The following PCDH7 variants were observed in gnomAD, a reference collection of about 807,000 sequenced individuals.
PCDH7 encodes protocadherin-7.
A neutral mutation model predicts 58.9 loss-of-function variants in PCDH7; 17 were observed. The ratio of observed to expected loss-of-function variants is 0.29; its 90% CI spans 0.20 to 0.43. PCDH7 has a LOEUF of 0.43. PCDH7 is among the 20% of genes least tolerant of loss of function. The pLI, the probability that PCDH7 is intolerant of heterozygous loss-of-function variation, is 1.00. For missense variants in PCDH7, 1,274 were observed against 1,441.0 expected (o/e 0.88, Z 1.88); for synonymous variants, 664 against 616.4 (o/e 1.08, Z -1.14).
At chr4:30,771,652 A>G (rs999749734) in intron 1 of PCDH7, among the ~76,000 whole-genome samples, 2 of 152,208 alleles carry the variant, frequency 1.3e-5, no homozygotes, top group Non-Finnish European at 2.9e-5. Context: ...ATCATTCCAG[A>G]AAATATTTTG....
intron 1 of PCDH7, among the ~76,000 whole-genome samples, chr4:30,810,033 T>C (rs566041695): frequency 9.8e-5 from 15 of 152,354 alleles, no homozygotes; most frequent in African/African-American, 3.4e-4. Flanking sequence ...TTCTTTTTTA[T>C]ACTTCACTTT....
intron 1 of PCDH7, among the ~76,000 whole-genome samples, chr4:30,802,423 A>G (rs921424383): frequency 6.6e-6 from 1 of 152,130 alleles, no homozygotes; most frequent in Non-Finnish European, 1.5e-5. Context: ...TCTCTTTTAC[A>G]AAATAGGAAA....
intron 1 of PCDH7, among the ~76,000 whole-genome samples, chr4:30,771,871 T>C (rs1054782073): frequency 1.2e-4 from 19 of 152,114 alleles, no homozygotes; most frequent in Non-Finnish European, 1.3e-4. Flanking sequence ...GCCTTTTCTT[T>C]CTTTCTTTTT....
intron 1 of PCDH7, among the ~76,000 whole-genome samples, chr4:30,861,564 C>T (rs1007574135): frequency 3.5e-4 from 54 of 152,204 alleles, no homozygotes; most frequent in African/African-American, 1.3e-3. Flanking sequence ...TAATTTTTAA[C>T]TATTCTGAAG....
At chr4:31,129,121 G>T (rs1010906584) in intron 3 of PCDH7, among the ~76,000 whole-genome samples, 1 of 152,154 alleles carries the variant, frequency 6.6e-6, no homozygotes, top group African/African-American at 2.4e-5. Flanking sequence ...GCATGGGACT[G>T]GAATGGTCCT....
downstream of PCDH7, chr4:30,733,085 T>C (rs1715749367): frequency 6.6e-6 from 1 of 152,314 alleles, no homozygotes; most frequent in Non-Finnish European, 1.5e-5. Context: ...GCTATCAAAC[T>C]CAGGTCTCTA....
At chr4:31,060,122 A>G (rs1170769529) in intron 3 of PCDH7, among the ~76,000 whole-genome samples, 1 of 151,788 alleles carries the variant, frequency 6.6e-6, no homozygotes, top group East Asian at 1.9e-4. Context: ...GCTAAATCCC[A>G]TAAAGTATAA....
intron 1 of PCDH7, among the ~76,000 whole-genome samples, chr4:30,876,925 G>A (rs1736357266): frequency 6.6e-6 from 1 of 151,892 alleles, no homozygotes; most frequent in African/African-American, 2.4e-5. Context: ...TCCCAGACAG[G>A]CCCCGGTGTG....
intron 3 of PCDH7, among the ~76,000 whole-genome samples, chr4:31,105,010 T>G (rs1715369582): frequency 6.6e-6 from 1 of 152,204 alleles, no homozygotes; most frequent in Non-Finnish European, 1.5e-5. Flanking sequence ...TTTCAAAGAC[T>G]TCATTTGAAC....
chr4:31,144,285 GA>G (rs1031992428), downstream of PCDH7: 41 of 152,310 alleles, frequency 2.7e-4, no homozygotes, highest in African/African-American at 8.9e-4. Context: ...GAACATGAAA[GA>G]AAGGAGTTTT....
chr4:30,768,291 T>G (rs918743104), intron 1 of PCDH7, among the ~76,000 whole-genome samples: 2 of 152,102 alleles, frequency 1.3e-5, no homozygotes, highest in Non-Finnish European at 2.9e-5. Context: ...CCAAGTAGTA[T>G]GCATACATCT....
intron 1 of PCDH7, among the ~76,000 whole-genome samples, chr4:30,766,805 T>C (rs1720813404): frequency 6.6e-6 from 1 of 152,130 alleles, no homozygotes; most frequent in Non-Finnish European, 1.5e-5. Flanking sequence ...TTACATCTGA[T>C]TTATTTGTAT....
chr4:30,899,133 T>C (rs1739856555), intron 1 of PCDH7, among the ~76,000 whole-genome samples: 1 of 152,154 alleles, frequency 6.6e-6, no homozygotes, highest in African/African-American at 2.4e-5. Context: ...TTTGTTACTG[T>C]TGGTTGTGAT....
intron 1 of PCDH7, among the ~76,000 whole-genome samples, chr4:30,770,949 CA>C (rs1156612518): frequency 4.6e-5 from 7 of 152,108 alleles, no homozygotes; most frequent in Admixed American, 4.6e-4. Context: ...CACCACAGAA[CA>C]CCACGAGTAA....
Position 30,722,274 on chromosome 4 carries a change from C to G in PCDH7, c.852C>G (p.Gly284=), listed in dbSNP as rs745584738. Reference sequence around the variant, plus strand: ...TGACCCTGCGAGTGCGCGACGGCGGCGACCCGCCTCGCTCCTCGCAGGCCA... The same window carrying G: ...TGACCCTGCGAGTGCGCGACGGCGGGGACCCGCCTCGCTCCTCGCAGGCCA... The change falls in exon 1 of 2, where the codon GGC becomes GGG. Residue 284 remains glycine (G), a synonymous_variant. Coordinates refer to ENST00000361762, the Ensembl canonical transcript of PCDH7. The surrounding 1 kb of genome is among the most constrained non-coding windows in gnomAD (Gnocchi z 7.6). 6.3e-7 allele frequency: 1 copy of G among 1,595,858 alleles called. No individual in the cohort carries two copies. The highest frequency in any genetic ancestry group is 1.8e-5 in the Admixed American group (1 of 56,982).
intron 1 of PCDH7, among the ~76,000 whole-genome samples, chr4:30,758,940 G>GT (rs11463767): frequency 0.21 from 25,434 of 123,494 alleles, 3,416 homozygotes; most frequent in East Asian, 0.46. Flanking sequence ...TTGAAGAAGT[G>GT]TTTTTTTTTT....
chr4:30,788,721 A>G (rs112978438), intron 1 of PCDH7, among the ~76,000 whole-genome samples: 28 of 152,192 alleles, frequency 1.8e-4, no homozygotes, highest in African/African-American at 6.0e-4. Context: ...TGACTGAGTT[A>G]ATTATGAGAG....
chr4:31,037,690 A>G (rs543720048), intron 3 of PCDH7, among the ~76,000 whole-genome samples: 86 of 152,222 alleles, frequency 5.6e-4, no homozygotes, highest in Non-Finnish European at 9.3e-4. Context: ...ATTCTTTCAT[A>G]TCCATTGCTC....
intron 1 of PCDH7, among the ~76,000 whole-genome samples, chr4:30,814,670 T>G (rs1461258750): frequency 6.6e-6 from 1 of 152,270 alleles, no homozygotes; most frequent in South Asian, 2.1e-4. Flanking sequence ...GCTACAAAGA[T>G]ATGGAAACAA....
Sources: gnomAD v4.1 joint callset for allele counts (sites outside exome capture counted in the v4.1 genomes callset) on GRCh38, gnomAD v4.1.1 for gene constraint, Gnocchi (gnomAD v3.1) non-coding constraint, MANE v1.5 for transcripts, NCBI Gene and HGNC (gene_info 2026-07-23, HGNC 2026-07-21) for gene names.